Variants in DOCK8 observed in about 807,000 individuals in gnomAD.
DOCK8 encodes the protein dedicator of cytokinesis protein 8.
In DOCK8, 141 loss-of-function variants were observed where a neutral mutation model predicts 245.6. That is an observed-to-expected ratio of 0.57 (90% CI 0.50 to 0.66). DOCK8 has a LOEUF of 0.66. Ranked by LOEUF, DOCK8 falls within the 30% of genes least tolerant of loss-of-function variation. The pLI is 0.00. For missense variants in DOCK8, 2,965 were observed against 2,603.4 expected, an observed-to-expected ratio of 1.14 and a Z score of -3.02; for synonymous variants, 1,168 against 970.2, an observed-to-expected ratio of 1.20 and a Z score of -3.79.
chr9:316,314 C>T lies in DOCK8; in HGVS notation c.742-729C>T, dbSNP rs182891520. Reference sequence around the variant, plus strand: ...CAAGGATTTGCACTACTTATTTTTGCATACATGAATATAATTAACATAGAA... The same window carrying T: ...CAAGGATTTGCACTACTTATTTTTGTATACATGAATATAATTAACATAGAA... On this transcript the variant is annotated intron_variant, in intron 6 of 47. Coordinates refer to ENST00000432829, the MANE Select transcript of DOCK8 (RefSeq NM_203447.4). 3.0e-4 allele frequency among the ~76,000 whole-genome samples: 46 copies of T among 152,264 alleles called. 1 individual carries two copies. The highest frequency in any genetic ancestry group is 1.1e-3 in the African/African-American group (44 of 41,570).
At chr9:428,571 A>G (rs1003485225) in intron 35 of DOCK8, 75 bp downstream of exon 35, 27 of 1,569,924 alleles carry the variant, frequency 1.7e-5, no homozygotes, top group Non-Finnish European at 2.2e-5. Flanking sequence ...TTCTCTCTTC[A>G]GGTGGACCAA....
chr9:231,270 T>A (rs1197138095), intron 1 of DOCK8, among the ~76,000 whole-genome samples: 1 of 152,178 alleles, frequency 6.6e-6, no homozygotes, highest in Non-Finnish European at 1.5e-5. Flanking sequence ...TATCTCTGTT[T>A]TGGTACCAGT....
intron 14 of DOCK8, among the ~76,000 whole-genome samples, chr9:354,174 A>G (rs916363732): frequency 3.9e-5 from 6 of 152,092 alleles, no homozygotes; most frequent in Non-Finnish European, 8.8e-5. Context: ...TTTACTAAAA[A>G]TACTAAACTT....
intron 4 of DOCK8, among the ~76,000 whole-genome samples, chr9:294,831 T>C (rs2049186741): frequency 1.3e-5 from 2 of 152,114 alleles, no homozygotes; most frequent in Non-Finnish European, 2.9e-5. Context: ...TACAACAACA[T>C]GGATGAATCT....
rs1554691485 is a variant in DOCK8, at chr9:399,997, T to TCCACCATCACCACCATCTTCACCACCA, written c.3234+744_3234+745insTCACCACCATCTTCACCACCACCACCA. Among the ~76,000 whole-genome samples the TCCACCATCACCACCATCTTCACCACCA allele has an allele frequency of 2.8e-4, 16 of 57,896 alleles. 2 individuals carry two copies. In the East Asian group the frequency reaches 3.7e-3, roughly 13 times the overall value. 38.0% of individuals were successfully genotyped at this position (57,896 alleles called of 152,430 possible). A position where few individuals can be genotyped will look rare whatever the true frequency, so the allele number is the denominator to read the frequency against. ...TCCACCATCACCACCTCCCACCACCTCCACCACCTCCACCATCACCACCAC... is the reference window on the plus strand; with the variant it reads ...TCCACCATCACCACCTCCCACCACCTCCACCATCACCACCATCTTCACCACCACCACCACCTCCACCATCACCACCAC... On this transcript the variant is annotated intron_variant, in intron 26 of 47. Transcript: ENST00000432829.
intron 14 of DOCK8, among the ~76,000 whole-genome samples, chr9:356,064 G>C (rs1351308483): frequency 2.6e-5 from 4 of 152,160 alleles, no homozygotes; most frequent in Non-Finnish European, 5.9e-5. Context: ...ACATATTTCT[G>C]AGCCATCCCT....
chr9:353,383 C>A (rs1586775850), intron 14 of DOCK8, among the ~76,000 whole-genome samples: 1 of 152,264 alleles, frequency 6.6e-6, no homozygotes, highest in African/African-American at 2.4e-5. Flanking sequence ...TTAAAAACAT[C>A]AAGAATGATA....
chr9:404,625 A>C (rs1185601473), intron 26 of DOCK8, among the ~76,000 whole-genome samples: 1 of 152,222 alleles, frequency 6.6e-6, no homozygotes, highest in East Asian at 1.9e-4. Flanking sequence ...ATGTACCTCA[A>C]GATTTTCAGC....
At chr9:225,108 A>C (rs999606325) in intron 1 of DOCK8, among the ~76,000 whole-genome samples, 1 of 152,184 alleles carries the variant, frequency 6.6e-6, no homozygotes, top group Non-Finnish European at 1.5e-5. Context: ...GACTTCCTCT[A>C]GGTATTACGG....
intron 46 of DOCK8, among the ~76,000 whole-genome samples, chr9:461,527 ATTTTTTTTTTTTTTTT>A (rs530827485): frequency 1.5e-5 from 1 of 67,264 alleles, no homozygotes; most frequent in Non-Finnish European, 2.7e-5. Flanking sequence ...TAGCAACTGC[ATTTTTTTTTTTTTTTT>A]TTTTTTTTTT....
At chr9:266,237 AATAGAATACTTACC>A (rs2048032517) in intron 1 of DOCK8, among the ~76,000 whole-genome samples, 2 of 152,168 alleles carry the variant, frequency 1.3e-5, no homozygotes, top group African/African-American at 4.8e-5. Context: ...ATATTCCTGT[AATAGAATACTTACC>A]ATATTATATT....
chr9:355,201 T>TC (rs1563957068), intron 14 of DOCK8, among the ~76,000 whole-genome samples: 1 of 136,782 alleles, frequency 7.3e-6, no homozygotes, highest in African/African-American at 2.7e-5. Flanking sequence ...TCTTTTTTTT[T>TC]TTTTTTTTTT....
At chr9:405,523 A>G (rs1230615991) in intron 27 of DOCK8, among the ~76,000 whole-genome samples, 2 of 152,232 alleles carry the variant, frequency 1.3e-5, no homozygotes, top group African/African-American at 2.4e-5. Flanking sequence ...AGAAGAGGAA[A>G]TGGGAGGAGG....
At chr9:305,210 A>G (rs1180018072) in intron 5 of DOCK8, among the ~76,000 whole-genome samples, 1 of 152,212 alleles carries the variant, frequency 6.6e-6, no homozygotes, top group African/African-American at 2.4e-5. Context: ...TCCATAAAGA[A>G]TTAGAATAAT....
chr9:399,607 C>CT (rs942031906), intron 26 of DOCK8, among the ~76,000 whole-genome samples: 2 of 152,090 alleles, frequency 1.3e-5, no homozygotes, highest in African/African-American at 4.8e-5. Context: ...CGCTCCCAGT[C>CT]TGAGGTCTCT....
chr9:403,913 T>TAC (rs1388924701), intron 26 of DOCK8, among the ~76,000 whole-genome samples: 2 of 84,392 alleles, frequency 2.4e-5, no homozygotes, highest in Non-Finnish European at 4.0e-5. Flanking sequence ...TATATATATA[T>TAC]ATACATATAT....
In DOCK8 at chr9:449,992, C is replaced by T. The variant is rs117959450; in HGVS notation, c.5961+65C>T. ...TATTTAGGTTGTCATTATACGTCTGCACCCTTCTTCCTTGGGGTTGATGAG... is the reference window on the plus strand; with the variant it reads ...TATTTAGGTTGTCATTATACGTCTGTACCCTTCTTCCTTGGGGTTGATGAG... On this transcript the variant is annotated intron_variant, in intron 45 of 47. Transcript: ENST00000432829. 39,002 of 1,566,802 alleles carry T rather than the reference C, an allele frequency of 0.025. 549 individuals carry two copies. Among genetic ancestry groups the T allele is most frequent in the Admixed American group, 0.028 (1,619 of 58,504 alleles).
intron 26 of DOCK8, among the ~76,000 whole-genome samples, chr9:399,964 C>A (rs1453103961): frequency 6.6e-6 from 1 of 150,762 alleles, no homozygotes; most frequent in African/African-American, 2.5e-5. Flanking sequence ...CCCACTATCA[C>A]CACCTTCTCC....
Position 347,380 on chromosome 9 carries a change from C to G in DOCK8, c.1679+7059C>G, listed in dbSNP as rs1214215237. Among the ~76,000 whole-genome samples the G allele has an allele frequency of 3.3e-5, 5 of 152,220 alleles. No individual in the cohort carries two copies. The South Asian group carries it at 8.3e-4, about 25-fold the overall frequency. On this transcript the variant is annotated intron_variant, in intron 14 of 47. Coordinates refer to ENST00000432829, the MANE Select transcript of DOCK8 (RefSeq NM_203447.4). ...AATTAGCCAGGGGTGGGGGTCCACACCTGCAGTCCCAGTTACTTGTGAGGC... is the reference window on the plus strand; with the variant it reads ...AATTAGCCAGGGGTGGGGGTCCACAGCTGCAGTCCCAGTTACTTGTGAGGC...
Sources: allele counts gnomAD v4.1 joint callset (sites outside exome capture counted in the v4.1 genomes callset), GRCh38; gene constraint gnomAD v4.1.1; transcripts MANE v1.5; gene names NCBI Gene and HGNC (gene_info 2026-07-23, HGNC 2026-07-21).